The following HTR7 variants were observed in gnomAD, a reference collection of about 807,000 sequenced individuals.
HTR7 encodes 5-hydroxytryptamine receptor 7.
In HTR7, 16 loss-of-function variants were observed where a neutral mutation model predicts 34.0. The observed-to-expected ratio is 0.47, with a 90% CI of 0.32 to 0.71. HTR7 has a LOEUF of 0.71. Among genes scored for constraint, HTR7 ranks in the 30% least tolerant of loss-of-function variants. The pLI, the probability that HTR7 is intolerant of heterozygous loss-of-function variation, is 0.04. For synonymous variants in HTR7, 265 were observed against 260.2 expected, an observed-to-expected ratio of 1.02 and a Z score of -0.18; for missense variants, 504 against 625.5, an observed-to-expected ratio of 0.81 and a Z score of 2.07.
chr10:90,795,886 T>C (rs1473484574), intron 1 of HTR7, among the ~76,000 whole-genome samples: 1 of 152,210 alleles, frequency 6.6e-6, no homozygotes, highest in South Asian at 2.1e-4. Context: ...TTTTAACATG[T>C]TCTGATTGGC....
chr10:90,748,003 A>G (rs748786342), intron 2 of HTR7, among the ~76,000 whole-genome samples: 28 of 152,284 alleles, frequency 1.8e-4, no homozygotes, highest in Non-Finnish European at 2.6e-4. Context: ...CCATTTCTCT[A>G]TCACCATCAG....
Position 90,846,335 on chromosome 10 carries a change from C to T in HTR7, c.539+10798G>A, listed in dbSNP as rs149815521. On this transcript the variant is annotated intron_variant, in intron 1 of 3. Coordinates refer to ENST00000336152, the MANE Select transcript of HTR7 (RefSeq NM_019859.4). ...GGCATCATGTCAGTACTCAAAGATTCTAATCTTGGAGCATTTTGGGTTTCA... is the reference window on the plus strand; with the variant it reads ...GGCATCATGTCAGTACTCAAAGATTTTAATCTTGGAGCATTTTGGGTTTCA... 2.5e-4 allele frequency among the ~76,000 whole-genome samples: 38 copies of T among 152,258 alleles called. 1 individual carries two copies. The East Asian group carries it at 7.3e-3, about 29-fold the overall frequency.
intron 1 of HTR7, among the ~76,000 whole-genome samples, chr10:90,787,551 G>A (rs7090415): frequency 0.28 from 42,596 of 151,990 alleles, 6,547 homozygotes; most frequent in African/African-American, 0.41. Context: ...CTGGACTTAC[G>A]TGCTGGTAGC....
intron 1 of HTR7, among the ~76,000 whole-genome samples, chr10:90,841,505 A>G (rs1846329398): frequency 6.6e-6 from 1 of 152,168 alleles, no homozygotes; most frequent in African/African-American, 2.4e-5. Flanking sequence ...CGTCTTTTAG[A>G]GGCTTCTCCC....
intron 1 of HTR7, among the ~76,000 whole-genome samples, chr10:90,851,478 G>A (rs61857739): frequency 0.034 from 5,144 of 151,734 alleles, 144 homozygotes; most frequent in Admixed American, 0.078. Flanking sequence ...GGTGGCAGAC[G>A]CCTGTACTCC....
intron 2 of HTR7, 101 bp from the exon 3 acceptor site, chr10:90,743,791 T>G: frequency 1.1e-6 from 1 of 915,368 alleles, no homozygotes; most frequent in Non-Finnish European, 1.8e-6. Context: ...TGGTTTTATA[T>G]TACCAATCTG....
At chr10:90,771,748 G>A (rs960603229) in intron 1 of HTR7, among the ~76,000 whole-genome samples, 1 of 152,198 alleles carries the variant, frequency 6.6e-6, no homozygotes, top group Non-Finnish European at 1.5e-5. Context: ...CTCCCTTGAA[G>A]GTGTGGGATC....
At chr10:90,780,562 A>G (rs1202558404) in intron 1 of HTR7, among the ~76,000 whole-genome samples, 1 of 151,656 alleles carries the variant, frequency 6.6e-6, no homozygotes, top group Admixed American at 6.6e-5. Flanking sequence ...AAAATTCAAG[A>G]ATGAAGCACA....
chr10:90,813,572 G>A (rs908335315), intron 1 of HTR7, among the ~76,000 whole-genome samples: 1 of 151,898 alleles, frequency 6.6e-6, no homozygotes, highest in African/African-American at 2.4e-5. Context: ...GGAGTCCTTG[G>A]TAAGGTTTTC....
intron 1 of HTR7, among the ~76,000 whole-genome samples, chr10:90,805,388 G>T (rs1242050561): frequency 6.6e-6 from 1 of 152,144 alleles, no homozygotes; most frequent in Non-Finnish European, 1.5e-5. Flanking sequence ...CTTTGTGAAA[G>T]AAATTTACAT....
At chr10:90,772,921 T>A (rs1845140409) in intron 1 of HTR7, among the ~76,000 whole-genome samples, 2 of 152,170 alleles carry the variant, frequency 1.3e-5, no homozygotes, top group Non-Finnish European at 2.9e-5. Flanking sequence ...CTCAGAAAGG[T>A]TTACTCTCCC....
intron 1 of HTR7, among the ~76,000 whole-genome samples, chr10:90,801,265 C>T (rs986951788): frequency 2.6e-5 from 4 of 152,118 alleles, no homozygotes; most frequent in Admixed American, 1.3e-4. Flanking sequence ...GCTCAGAGAT[C>T]TCAACTATAT....
intron 1 of HTR7, among the ~76,000 whole-genome samples, chr10:90,812,448 G>A (rs1845827940): frequency 6.6e-6 from 1 of 152,072 alleles, no homozygotes; most frequent in Admixed American, 6.6e-5. Flanking sequence ...AATCTCCTTA[G>A]GCACTCTCTA....
chr10:90,809,656 G>A (rs559854543), intron 1 of HTR7, among the ~76,000 whole-genome samples: 21 of 152,248 alleles, frequency 1.4e-4, no homozygotes, highest in South Asian at 2.1e-4. Context: ...GAACCGCAGC[G>A]GCCAGGCGTT....
chr10:90,857,117 G>T lies in HTR7; in HGVS notation c.539+16C>A. The T allele has an allele frequency of 6.5e-7, 1 of 1,532,360 alleles. No individual in the cohort carries two copies. Among genetic ancestry groups the T allele is most frequent in the South Asian group, 1.3e-5 (1 of 79,290 alleles). The allele number at this position is 1,532,360 out of a possible 1,614,324, so 94.9% of individuals were successfully genotyped here. A position where few individuals can be genotyped will look rare whatever the true frequency, so the allele number is the denominator to read the frequency against. Reference sequence around the variant, plus strand: ...GTCCCCAGCCGGAGCCTGGGACGGGGCGGTCCGGCCCTTACCTGTCAATGC... The same window carrying T: ...GTCCCCAGCCGGAGCCTGGGACGGGTCGGTCCGGCCCTTACCTGTCAATGC... On this transcript the variant is annotated intron_variant, in intron 1 of 3. Coordinates refer to ENST00000336152, the MANE Select transcript of HTR7 (RefSeq NM_019859.4). The surrounding 1 kb of genome is among the most constrained non-coding windows in gnomAD (Gnocchi z 6.5).
At chr10:90,812,419 T>A (rs1845827159) in intron 1 of HTR7, among the ~76,000 whole-genome samples, 3 of 152,036 alleles carry the variant, frequency 2.0e-5, no homozygotes, top group African/African-American at 7.3e-5. Flanking sequence ...AAATAATCTT[T>A]GCTGGCAGGA....
At chr10:90,752,196 G>GA (rs201014581) in intron 1 of HTR7, among the ~76,000 whole-genome samples, 4 of 151,466 alleles carry the variant, frequency 2.6e-5, no homozygotes, top group African/African-American at 4.8e-5. Context: ...AATATTACTA[G>GA]AAAAAAAATG....
intron 1 of HTR7, among the ~76,000 whole-genome samples, chr10:90,798,540 C>G (rs529354378): frequency 1.3e-5 from 2 of 152,128 alleles, no homozygotes; most frequent in Admixed American, 6.5e-5. Flanking sequence ...CATACTGAAA[C>G]CCCCATCTCT....
rs569598980 is a variant in HTR7 at position 90,820,755 on chromosome 10, C to T, written c.539+36378G>A. Among the ~76,000 whole-genome samples, 24 of 152,190 alleles carry T rather than the reference C, an allele frequency of 1.6e-4. No individual in the cohort carries two copies. The South Asian group carries it at 3.9e-3, about 25-fold the overall frequency. ...ACAAAGCATTTACCCAGACAGAACC[C>T]CATCATAAGATGAGGAGGTACTAAA... On this transcript the variant is annotated intron_variant, in intron 1 of 3. Coordinates refer to ENST00000336152, the MANE Select transcript of HTR7 (RefSeq NM_019859.4).
Sources: allele counts gnomAD v4.1 joint callset (sites outside exome capture counted in the v4.1 genomes callset), GRCh38; gene constraint gnomAD v4.1.1; non-coding constraint Gnocchi (gnomAD v3.1); transcripts MANE v1.5; gene names NCBI Gene and HGNC (gene_info 2026-07-23, HGNC 2026-07-21).